The following PCDHGA3 variants were observed in gnomAD, a reference collection of about 807,000 sequenced individuals.
The protein encoded by PCDHGA3 is protocadherin gamma subfamily A, 3, also known as protocadherin gamma-A3.
Under a neutral mutation model 58.5 loss-of-function variants are expected in PCDHGA3, and 40 were observed. The observed-to-expected ratio is 0.68, with a 90% CI of 0.53 to 0.89. The LOEUF (loss-of-function observed/expected upper bound fraction) is 0.89. Among genes scored for constraint, PCDHGA3 ranks in the 40% least tolerant of loss-of-function variants. PCDHGA3 has a pLI of 0.00. For missense variants in PCDHGA3, 1,223 were observed against 1,195.9 expected (o/e 1.02, Z -0.33); for synonymous variants, 530 against 525.7 (o/e 1.01, Z -0.11).
At chr5:141,481,618 G>C (rs1339565594) in intron 1 of PCDHGA3, among the ~76,000 whole-genome samples, 1 of 152,142 alleles carries the variant, frequency 6.6e-6, no homozygotes, top group African/African-American at 2.4e-5. Context: ...AGGAGTTCAA[G>C]ACCGGCCTGG....
chr5:141,349,438 C>T (rs1399132249), intron 1 of PCDHGA3, among the ~76,000 whole-genome samples: 1 of 151,980 alleles, frequency 6.6e-6, no homozygotes, highest in Non-Finnish European at 1.5e-5. Context: ...TATGAGATTC[C>T]ACTTCATAAA....
chr5:141,381,114 C>T (rs1776995401), intron 1 of PCDHGA3, among the ~76,000 whole-genome samples: 1 of 152,152 alleles, frequency 6.6e-6, no homozygotes, highest in Non-Finnish European at 1.5e-5. Context: ...CAAAGTGTTC[C>T]CTGTATTCTG....
chr5:141,421,255 C>T lies in PCDHGA3; in HGVS notation c.2425-73552C>T, dbSNP rs759899934. On this transcript the variant is annotated intron_variant, in intron 1 of 3. Coordinates refer to ENST00000253812, the MANE Select transcript of PCDHGA3 (RefSeq NM_018916.4). ...GGCGAATCGGCTACAGCGCGGGGAC[C>T]GCAGTCGGCTGCTGCTGCTGCTGTG... 5.2e-5 allele frequency: 84 copies of T among 1,607,644 alleles called. No individual in the cohort carries two copies. Among genetic ancestry groups the T allele is most frequent in the Non-Finnish European group, 6.8e-5 (80 of 1,177,916 alleles).
chr5:141,478,381 C>T (rs931860600), intron 1 of PCDHGA3: 22 of 1,613,664 alleles, frequency 1.4e-5, no homozygotes, highest in Non-Finnish European at 1.8e-5. Flanking sequence ...TGTCGCCGCA[C>T]CTTTACCATC....
intron 1 of PCDHGA3, chr5:141,376,039 C>T (rs1772194852): frequency 7.4e-6 from 12 of 1,613,226 alleles, no homozygotes; most frequent in Non-Finnish European, 1.0e-5. Context: ...ACGGCCAGCC[C>T]CCTCTCTCCG....
chr5:141,490,998 C>T lies in PCDHGA3; in HGVS notation c.2425-3809C>T, dbSNP rs1284919124. 5 of 1,614,014 alleles carry T rather than the reference C, an allele frequency of 3.1e-6. No homozygotes were observed. The highest frequency in any genetic ancestry group is 1.7e-5 in the Admixed American group (1 of 60,016). On this transcript the variant is annotated intron_variant, in intron 1 of 3. Coordinates refer to ENST00000253812, the MANE Select transcript of PCDHGA3 (RefSeq NM_018916.4). The surrounding 1 kb of genome is among the most constrained non-coding windows in gnomAD (Gnocchi z 5.4). Reference sequence around the variant, plus strand: ...GTCTCCCTCGCTCTGCTCCTCCTGGCTCCTTGGTCACCAAGGTGACAGCCG... The same window carrying T: ...GTCTCCCTCGCTCTGCTCCTCCTGGTTCCTTGGTCACCAAGGTGACAGCCG...
chr5:141,403,717 G>GC (rs1561689685), intron 1 of PCDHGA3: 2 of 1,613,936 alleles, frequency 1.2e-6, no homozygotes, highest in South Asian at 2.2e-5. Flanking sequence ...TTGAGAACGT[G>GC]CCCCCAGGCA....
At chr5:141,347,079 C>G (rs1408500048) in intron 1 of PCDHGA3, among the ~76,000 whole-genome samples, 7 of 150,158 alleles carry the variant, frequency 4.7e-5, no homozygotes, top group Admixed American at 3.3e-4. Flanking sequence ...TCCTCTCTCT[C>G]TTTCCTCCTT....
intron 1 of PCDHGA3, chr5:141,383,263 G>C: frequency 1.9e-6 from 3 of 1,613,926 alleles, no homozygotes; most frequent in Non-Finnish European, 2.5e-6. Context: ...TATAGACGTG[G>C]AAATAATAGA....
chr5:141,489,297 G>T lies in PCDHGA3; in HGVS notation c.2425-5510G>T. On this transcript the variant is annotated intron_variant, in intron 1 of 3. Transcript: ENST00000253812. This position sits in a 1 kb window ranked among gnomAD's most constrained non-coding sequence, Gnocchi z 4.5. Reference sequence around the variant, plus strand: ...GGAAATGGCAAGTGCTGTGCATGTTGTCCTTGTGCTGCTGGGGCTGGGTGT... The same window carrying T: ...GGAAATGGCAAGTGCTGTGCATGTTTTCCTTGTGCTGCTGGGGCTGGGTGT... 1.9e-6 allele frequency: 3 copies of T among 1,583,774 alleles called. No homozygotes were observed. Among genetic ancestry groups the T allele is most frequent in the Non-Finnish European group, 8.6e-7 (1 of 1,164,904 alleles).
intron 1 of PCDHGA3, chr5:141,402,812 C>T: frequency 8.0e-7 from 1 of 1,243,800 alleles, no homozygotes; most frequent in East Asian, 2.6e-5. Flanking sequence ...GCAGATACCA[C>T]AAACCTGCTC....
intron 1 of PCDHGA3, chr5:141,388,709 C>T (rs370023698): frequency 1.9e-6 from 3 of 1,613,820 alleles, no homozygotes; most frequent in Admixed American, 3.3e-5. Context: ...GTGTCAATGC[C>T]GAGATTACTT....
At position 141,485,562 on chromosome 5, in the gene PCDHGA3, C is replaced by T. The variant is rs779890454; in HGVS notation, c.2425-9245C>T. 2.5e-6 allele frequency: 4 copies of T among 1,612,910 alleles called. No homozygotes were observed. Among genetic ancestry groups the T allele is most frequent in the Admixed American group, 1.7e-5 (1 of 59,996 alleles). On this transcript the variant is annotated intron_variant, in intron 1 of 3. Transcript: ENST00000253812. The surrounding 1 kb of genome is among the most constrained non-coding windows in gnomAD (Gnocchi z 5.7). ...GAGATCGTAGATGTGAATGATCACG[C>T]CCCCCGTTTTCCGCGGCAGCAGCTG... is the stretch of plus-strand genomic sequence containing the variant.
At chr5:141,416,928 A>G (rs1297487387) in intron 1 of PCDHGA3, 4 of 152,170 alleles carry the variant, frequency 2.6e-5, no homozygotes, top group Non-Finnish European at 2.9e-5. Flanking sequence ...ATAGTTATTA[A>G]CTATTAAACC....
At chr5:141,464,611 A>G (rs2099087451) in intron 1 of PCDHGA3, among the ~76,000 whole-genome samples, 3 of 152,194 alleles carry the variant, frequency 2.0e-5, no homozygotes, top group African/African-American at 7.2e-5. Context: ...TTTGCAGAGT[A>G]TATTGTCAAG....
Position 141,476,416 on chromosome 5 carries a change from A to G in PCDHGA3, c.2425-18391A>G. On this transcript the variant is annotated intron_variant, in intron 1 of 3. Coordinates refer to ENST00000253812, the MANE Select transcript of PCDHGA3 (RefSeq NM_018916.4). The surrounding 1 kb of genome is among the most constrained non-coding windows in gnomAD (Gnocchi z 7.6). ...TGGATCGAGAGGAGCTGTGTGGGAC[A>G]CTGCCCTCTTGCACTGTAACTCTGG... 1 of 1,614,056 alleles carries G rather than the reference A, an allele frequency of 6.2e-7. No individual in the cohort carries two copies. The highest frequency in any genetic ancestry group is 8.5e-7 in the Non-Finnish European group (1 of 1,179,994).
chr5:141,389,177 C>T, intron 1 of PCDHGA3: 1 of 1,614,052 alleles, frequency 6.2e-7, no homozygotes. Context: ...CTCCCCTCTC[C>T]TCCAGTTCCA....
At chr5:141,409,529 G>T (rs2095278932) in intron 1 of PCDHGA3, 1 of 1,613,962 alleles carries the variant, frequency 6.2e-7, no homozygotes, top group Non-Finnish European at 8.5e-7. Flanking sequence ...CTTGTATGTC[G>T]CTGACATCAA....
intron 1 of PCDHGA3, among the ~76,000 whole-genome samples, chr5:141,492,920 G>A (rs2099745093): frequency 6.6e-6 from 1 of 152,198 alleles, no homozygotes; most frequent in African/African-American, 2.4e-5. Context: ...TGTGCCCAGC[G>A]ATCTAGGGTC....
Sources: allele counts gnomAD v4.1 joint callset (sites outside exome capture counted in the v4.1 genomes callset), GRCh38; gene constraint gnomAD v4.1.1; non-coding constraint Gnocchi (gnomAD v3.1); transcripts MANE v1.5; gene names NCBI Gene and HGNC (gene_info 2026-07-23, HGNC 2026-07-21).